Variants in WWC1 observed in about 807,000 individuals in gnomAD.
WWC1 encodes protein KIBRA.
Under a neutral mutation model 138.4 loss-of-function variants are expected in WWC1, and 55 were observed. That is an observed-to-expected ratio of 0.40 (90% confidence interval 0.32 to 0.50). The LOEUF (loss-of-function observed/expected upper bound fraction) is 0.50, where lower values mean the gene tolerates loss of function less well. Ranked by LOEUF, WWC1 falls within the 20% of genes least tolerant of loss-of-function variation. The pLI, the probability that WWC1 is intolerant of heterozygous loss-of-function variation, is 0.72. For missense variants in WWC1, 1,226 were observed against 1,420.4 expected (o/e 0.86, Z 2.20); for synonymous variants, 524 against 564.9 (o/e 0.93, Z 1.03).
At chr5:168,434,858 C>T (rs974970396) in intron 15 of WWC1, among the ~76,000 whole-genome samples, 1 of 152,180 alleles carries the variant, frequency 6.6e-6, no homozygotes, top group African/African-American at 2.4e-5. Context: ...CTCGAGCTAG[C>T]CTGCTTCTCA....
intron 5 of WWC1, among the ~76,000 whole-genome samples, chr5:168,403,064 TTCTTTC>T (rs1252304020): frequency 1.6e-5 from 2 of 121,722 alleles, no homozygotes; most frequent in Non-Finnish European, 3.4e-5. Flanking sequence ...CTTTCTTTCT[TTCTTTC>T]TTTCTTTCTT....
At position 168,408,601 on chromosome 5, in the gene WWC1, C is replaced by G. The variant is rs200128581; in HGVS notation, c.815C>G (p.Pro272Arg). 6 of 1,614,070 alleles carry G rather than the reference C, an allele frequency of 3.7e-6. No homozygotes were observed. The highest frequency in any genetic ancestry group is 5.1e-6 in the Non-Finnish European group (6 of 1,180,044). Reference sequence around the variant, plus strand: ...AGCTCTCTGGAGAGTTCGAGTTTCCCGCTACCGAAACAGTACCTGGATGTG... The same window carrying G: ...AGCTCTCTGGAGAGTTCGAGTTTCCGGCTACCGAAACAGTACCTGGATGTG... ...SSSSLESSSF[P>R]LPKQYLDVSS... Residue 272 changes from proline to arginine, a missense_variant, in exon 7 of 23, where the codon CCG (proline) becomes CGG (arginine). Pro to Arg is a moderately radical substitution (Grantham distance 103). Coordinates refer to ENST00000265293, the MANE Select transcript of WWC1 (RefSeq NM_015238.3).
chr5:168,413,734 G>T (rs922275994), intron 8 of WWC1, among the ~76,000 whole-genome samples: 2 of 152,112 alleles, frequency 1.3e-5, no homozygotes, highest in South Asian at 2.1e-4. Flanking sequence ...GAGAATACGC[G>T]GTCAGTAGTT....
intron 9 of WWC1, among the ~76,000 whole-genome samples, chr5:168,420,041 C>G (rs911088082): frequency 6.6e-6 from 1 of 152,208 alleles, no homozygotes; most frequent in African/African-American, 2.4e-5. Context: ...CTCTCCAGCT[C>G]CTTTGCTGAC....
Position 168,469,377 on chromosome 5 carries a change from C to T in WWC1, c.*360C>T, listed in dbSNP as rs542568165. The T allele has an allele frequency of 1.3e-5, 3 of 229,948 alleles. 1 individual carries two copies. The South Asian group carries it at 2.4e-4, about 19-fold the overall frequency. The allele number at this position is 229,948 out of a possible 1,614,324, so 14.2% of individuals were successfully genotyped here. A position where few individuals can be genotyped will look rare whatever the true frequency, so the allele number is the denominator to read the frequency against. ...TAGATTTTTTTTGGTTTGTACAGCT[C>T]CACCTTTTAGAGGTCTTACTGCAAT... On this transcript the variant is annotated 3_prime_UTR_variant, in exon 23 of 23. Coordinates refer to ENST00000265293, the MANE Select transcript of WWC1 (RefSeq NM_015238.3).
At chr5:168,394,493 A>C (rs1484468400) in intron 3 of WWC1, among the ~76,000 whole-genome samples, 1 of 152,076 alleles carries the variant, frequency 6.6e-6, no homozygotes, top group East Asian at 1.9e-4. Flanking sequence ...TGGGGGGCCG[A>C]GGCGGGTGGA....
intron 22 of WWC1, 131 bp from the exon 23 acceptor site, chr5:168,468,820 G>A: frequency 4.5e-6 from 4 of 887,836 alleles, no homozygotes; most frequent in East Asian, 2.6e-5. Flanking sequence ...GAGGGTAAGA[G>A]GCCAAGGACG....
intron 1 of WWC1, among the ~76,000 whole-genome samples, chr5:168,369,326 G>A (rs1053202119): frequency 6.6e-6 from 1 of 152,164 alleles, no homozygotes; most frequent in African/African-American, 2.4e-5. Flanking sequence ...CTCAGAGAAG[G>A]AAAGTAAGTT....
chr5:168,442,464 TA>T (rs202033566), intron 16 of WWC1, among the ~76,000 whole-genome samples: 3,128 of 143,170 alleles, frequency 0.022, 58 homozygotes, highest in East Asian at 0.052. Context: ...AAAATTTAAT[TA>T]AAAAAAAAAG....
intron 1 of WWC1, among the ~76,000 whole-genome samples, chr5:168,366,835 A>G (rs1300197286): frequency 1.1e-4 from 13 of 114,854 alleles, no homozygotes; most frequent in Admixed American, 2.3e-4. Flanking sequence ...TTTGAGATGG[A>G]ATCTTGCTCT....
chr5:168,462,349 T>C (rs1756892268), intron 20 of WWC1, among the ~76,000 whole-genome samples: 1 of 152,168 alleles, frequency 6.6e-6, no homozygotes, highest in South Asian at 2.1e-4. Context: ...AACTGCCCAC[T>C]CTGGGTCCCC....
Position 168,462,429 on chromosome 5 carries a change from C to T in WWC1, c.2916+1687C>T, listed in dbSNP as rs189742244. On this transcript the variant is annotated intron_variant, in intron 20 of 22. Transcript: ENST00000265293. ...GGAGCACCAAAAGTTACCTGGGGAG[C>T]TTGGTGACAATGCAGATTACAAGGC... is the stretch of plus-strand genomic sequence containing the variant. 2.7e-3 allele frequency among the ~76,000 whole-genome samples: 406 copies of T among 152,228 alleles called. 1 individual carries two copies. The highest frequency in any genetic ancestry group is 3.8e-3 in the Non-Finnish European group (257 of 68,010).
At chr5:168,360,878 G>C (rs1386797142) in intron 1 of WWC1, among the ~76,000 whole-genome samples, 1 of 152,250 alleles carries the variant, frequency 6.6e-6, no homozygotes, top group Non-Finnish European at 1.5e-5. Flanking sequence ...CAAATTCCAG[G>C]ACAGGGTGAG....
chr5:168,320,305 G>T (rs1771953931), intron 1 of WWC1, among the ~76,000 whole-genome samples: 1 of 152,160 alleles, frequency 6.6e-6, no homozygotes, highest in African/African-American at 2.4e-5. Flanking sequence ...AAAGTGCTGG[G>T]ATTATAGGCG....
At chr5:168,461,526 C>T (rs1756810358) in intron 20 of WWC1, among the ~76,000 whole-genome samples, 1 of 152,164 alleles carries the variant, frequency 6.6e-6, no homozygotes, top group South Asian at 2.1e-4. Context: ...AGCGGGAAGC[C>T]CACAGGGAAG....
At position 168,348,451 on chromosome 5, in the gene WWC1, G is replaced by A. The variant is rs185187869; in HGVS notation, c.120-22973G>A. Among the ~76,000 whole-genome samples the A allele has an allele frequency of 4.4e-3, 670 of 152,308 alleles. 2 individuals carry two copies. The highest frequency in any genetic ancestry group is 0.015 in the African/African-American group (621 of 41,574). On this transcript the variant is annotated intron_variant, in intron 1 of 22. Transcript: ENST00000265293. ...GGAAGAGCTGCTGGCAGAGGGAAGG[G>A]CCACACATCATTGTCCCTCTCCCTG...
chr5:168,344,206 T>C (rs149447021), intron 1 of WWC1, among the ~76,000 whole-genome samples: 261 of 152,374 alleles, frequency 1.7e-3, no homozygotes, highest in African/African-American at 5.7e-3. Context: ...GAGATATGTT[T>C]GAGTGTTTTA....
At chr5:168,316,133 C>T (rs546816025) in intron 1 of WWC1, among the ~76,000 whole-genome samples, 1 of 152,154 alleles carries the variant, frequency 6.6e-6, no homozygotes, top group Non-Finnish European at 1.5e-5. Flanking sequence ...AGTCCTTCCC[C>T]CTCAGCGTTT....
intron 17 of WWC1, among the ~76,000 whole-genome samples, chr5:168,452,915 G>A (rs528051796): frequency 4.6e-5 from 7 of 152,098 alleles, no homozygotes; most frequent in African/African-American, 9.7e-5. Context: ...CCATCCAATG[G>A]AATATTAATG....
Sources: gnomAD v4.1 joint callset for allele counts (sites outside exome capture counted in the v4.1 genomes callset) on GRCh38, gnomAD v4.1.1 for gene constraint, MANE v1.5 for transcripts, NCBI Gene and HGNC (gene_info 2026-07-23, HGNC 2026-07-21) for gene names.